SUPT20H: variants seen among roughly 807,000 people sequenced by gnomAD.
The protein encoded by SUPT20H is SPT20 homolog, SAGA complex component.
In SUPT20H, 82 loss-of-function variants were observed where a neutral mutation model predicts 122.8. That is an observed-to-expected ratio of 0.67 (90% CI 0.56 to 0.80). The LOEUF is 0.80. Among genes scored for constraint, SUPT20H ranks in the 30% least tolerant of loss-of-function variants. The pLI, the probability that SUPT20H is intolerant of heterozygous loss-of-function variation, is 0.00. For synonymous variants in SUPT20H, 291 were observed against 313.0 expected (o/e 0.93, Z 0.74); for missense variants, 831 against 921.6 (o/e 0.90, Z 1.27).
Position 37,024,020 on chromosome 13 carries a change from T to C in SUPT20H, c.1591+15A>G. 1 of 1,589,324 alleles carries C rather than the reference T, an allele frequency of 6.3e-7. No homozygotes were observed. Among genetic ancestry groups the C allele is most frequent in the Non-Finnish European group, 8.5e-7 (1 of 1,170,628 alleles). On this transcript the variant is annotated intron_variant, in intron 19 of 25. Transcript: ENST00000350612. ...GCTTATGAAGATTTAATGAAGAATT[T>C]AAGTTATGACTCACTTTGTGATGAG...
chr13:37,014,508 A>C (rs1246448551), intron 23 of SUPT20H, among the ~76,000 whole-genome samples: 1 of 152,152 alleles, frequency 6.6e-6, no homozygotes, highest in Non-Finnish European at 1.5e-5. Flanking sequence ...AACTTAAAAG[A>C]ACCAAAAATA....
chr13:37,018,030 G>A (rs923962379), intron 22 of SUPT20H, among the ~76,000 whole-genome samples: 1 of 151,960 alleles, frequency 6.6e-6, no homozygotes, highest in Non-Finnish European at 1.5e-5. Context: ...AGCTATAGGG[G>A]TTTATATACG....
chr13:37,047,764 A>G, intron 4 of SUPT20H, 114 bp downstream of exon 4: 1 of 1,253,610 alleles, frequency 8.0e-7, no homozygotes, highest in South Asian at 1.7e-5. Context: ...GAAATTCCTA[A>G]TACATGCAAA....
intron 15 of SUPT20H, 44 bp downstream of exon 15, chr13:37,026,746 T>TA: frequency 8.8e-7 from 1 of 1,141,438 alleles, no homozygotes; most frequent in Admixed American, 3.3e-5. Context: ...GTTTGATATT[T>TA]ATGTAATTTC....
intron 12 of SUPT20H, 115 bp downstream of exon 12, chr13:37,031,452 C>A: frequency 1.7e-6 from 1 of 599,980 alleles, no homozygotes; most frequent in Non-Finnish European, 2.7e-6. Context: ...AGAGTATGAT[C>A]TAAATCACTT....
chr13:37,051,030 G>A (rs754264460), intron 2 of SUPT20H, among the ~76,000 whole-genome samples: 2 of 152,166 alleles, frequency 1.3e-5, no homozygotes, highest in Non-Finnish European at 2.9e-5. Flanking sequence ...GTGACTGTAA[G>A]TCAGTGAACA....
chr13:37,029,894 A>T (rs1300949824), intron 12 of SUPT20H, 58 bp from the exon 13 acceptor site: 1 of 1,348,240 alleles, frequency 7.4e-7, no homozygotes, highest in African/African-American at 1.5e-5. Flanking sequence ...GATAAAATGG[A>T]ATCAGTATTC....
At chr13:37,039,492 T>C (rs1057149104) in intron 9 of SUPT20H, 2 of 152,166 alleles carry the variant, frequency 1.3e-5, no homozygotes, top group African/African-American at 2.4e-5. Context: ...GAACAAAGAA[T>C]GATAACGTGC....
In SUPT20H at chr13:37,044,079, T is replaced by A; in HGVS notation, c.395A>T (p.Gln132Leu). 6.2e-7 allele frequency: 1 copy of A among 1,607,408 alleles called. No homozygotes were observed. The highest frequency in any genetic ancestry group is 8.5e-7 in the Non-Finnish European group (1 of 1,176,628). Residue 132 changes from glutamine (Q) to leucine (L), a missense_variant and splice_region_variant, in exon 7 of 26, where the codon CAG becomes CTG. Transcript: ENST00000350612. ...PILVDLLEKS[Q>L]VNIFHCGCVI... is the part of the protein sequence containing the mutation. ...ATTTTAAAGACAAAAATTTTGTACC[T>A]GAGATTTTTCTAGGAGATCAACCAA...
chr13:37,026,864 T>G (rs1196202382), intron 14 of SUPT20H, 48 bp from the exon 15 acceptor site: 1 of 1,239,446 alleles, frequency 8.1e-7, no homozygotes. Context: ...AGCTCAAACT[T>G]TAACTTCATA....
chr13:37,013,288 G>A (rs2059907429), intron 23 of SUPT20H: 1 of 152,014 alleles, frequency 6.6e-6, no homozygotes, highest in African/African-American at 2.4e-5. Context: ...CCTAGAAATA[G>A]ACCCACTCAA....
chr13:37,031,057 CCAT>C (rs2063208316), intron 12 of SUPT20H, among the ~76,000 whole-genome samples: 1 of 152,010 alleles, frequency 6.6e-6, no homozygotes, highest in African/African-American at 2.4e-5. Flanking sequence ...TTGTCTTCAA[CCAT>C]TTATAGTTCA....
intron 7 of SUPT20H, 148 bp from the exon 8 acceptor site, chr13:37,040,840 T>G: frequency 8.2e-6 from 5 of 608,456 alleles, no homozygotes; most frequent in Non-Finnish European, 1.5e-5. Flanking sequence ...TTGGTAGATT[T>G]AACACTATGT....
Position 37,011,730 on chromosome 13 carries a change from CT to C in SUPT20H, c.2098+461del, listed in dbSNP as rs921931690. Among the ~76,000 whole-genome samples the C allele has an allele frequency of 4.5e-3, 687 of 151,076 alleles. 5 individuals are homozygous for C. The highest frequency in any genetic ancestry group is 0.016 in the African/African-American group (659 of 41,038). On this transcript the variant is annotated intron_variant, in intron 24 of 25. Coordinates refer to ENST00000350612, the MANE Select transcript of SUPT20H (RefSeq NM_001014286.3). ...TGGAAGTGTTGAGAAGTAATTTAATCTTTTTTTTTAAATGATAAAAGTGACT... is the reference window on the plus strand; with the variant it reads ...TGGAAGTGTTGAGAAGTAATTTAATCTTTTTTTTAAATGATAAAAGTGACT...
At chr13:37,010,346 TTA>T (rs922979679) in intron 25 of SUPT20H, among the ~76,000 whole-genome samples, 7 of 152,198 alleles carry the variant, frequency 4.6e-5, no homozygotes, top group African/African-American at 1.7e-4. Context: ...ATGAAAAATT[TTA>T]TAGAGTATGG....
Position 37,051,585 on chromosome 13 carries a change from T to C in SUPT20H, c.-93-2A>G, listed in dbSNP as rs1279937979. On this transcript the variant is annotated splice_acceptor_variant, in intron 1 of 25. Transcript: ENST00000350612. LOFTEE classifies it low-confidence loss of function (5UTR_SPLICE). ...GCCTTTAACATCAATCTTACAGTAC[T>C]GAAAAGCAAAAACAATAAAACCCCA... 1.8e-6 allele frequency: 2 copies of C among 1,126,510 alleles called. No individual in the cohort carries two copies. Among genetic ancestry groups the C allele is most frequent in the South Asian group, 1.6e-5 (1 of 62,626 alleles). The allele number at this position is 1,126,510 out of a possible 1,614,324, so 69.8% of individuals were successfully genotyped here. A position where few individuals can be genotyped will look rare whatever the true frequency, so the allele number is the denominator to read the frequency against.
intron 14 of SUPT20H, among the ~76,000 whole-genome samples, chr13:37,027,474 T>C (rs914068809): frequency 5.3e-5 from 8 of 152,128 alleles, no homozygotes; most frequent in Admixed American, 5.2e-4. Context: ...AAATCCACCT[T>C]TCTACTGTAG....
chr13:37,055,171 T>G (rs938940365), intron 1 of SUPT20H, among the ~76,000 whole-genome samples: 1 of 152,114 alleles, frequency 6.6e-6, no homozygotes, highest in African/African-American at 2.4e-5. Flanking sequence ...AGAATCAATA[T>G]CGTGAAAATC....
chr13:37,023,811 AC>A (rs2061756394), intron 19 of SUPT20H: 1 of 380,780 alleles, frequency 2.6e-6, no homozygotes, highest in Non-Finnish European at 4.6e-6. Flanking sequence ...TAAGAAAGGT[AC>A]ACGCAGAATG....
Sources: allele counts gnomAD v4.1 joint callset (sites outside exome capture counted in the v4.1 genomes callset), GRCh38; gene constraint gnomAD v4.1.1; transcripts MANE v1.5; gene names NCBI Gene and HGNC (gene_info 2026-07-23, HGNC 2026-07-21).